Variants in AMMECR1 observed in about 807,000 individuals in gnomAD.
The protein encoded by AMMECR1 is nuclear protein AMMECR1.
Under a neutral mutation model 22.5 loss-of-function variants are expected in AMMECR1, and 3 were observed. The observed-to-expected ratio is 0.13, with a 90% CI of 0.06 to 0.35. The LOEUF (loss-of-function observed/expected upper bound fraction) is 0.35, where lower values mean the gene tolerates loss of function less well. Ranked by LOEUF, AMMECR1 falls within the 10% of genes least tolerant of loss-of-function variation. AMMECR1 has a pLI of 1.00. For missense variants in AMMECR1, 235 were observed against 278.7 expected (o/e 0.84, Z 1.12); for synonymous variants, 130 against 116.7 (o/e 1.11, Z -0.74).
chrX:110,259,862 C>T (rs1569390066), intron 2 of AMMECR1, among the ~76,000 whole-genome samples: 1 of 111,298 alleles, frequency 9.0e-6, no homozygotes, highest in Non-Finnish European at 1.9e-5. Flanking sequence ...GGATTACAGG[C>T]GTGAGCCACC....
At chrX:110,286,671 C>CAA (rs775821051) in intron 1 of AMMECR1, among the ~76,000 whole-genome samples, 6 of 67,004 alleles carry the variant, frequency 9.0e-5, no homozygotes, top group Non-Finnish European at 1.5e-4. Context: ...GACCCTGTCT[C>CAA]AAAAAAAAAA....
chrX:110,255,007 T>C (rs1002243647), intron 2 of AMMECR1, among the ~76,000 whole-genome samples: 7 of 112,190 alleles, frequency 6.2e-5, no homozygotes, highest in African/African-American at 1.9e-4. Flanking sequence ...ATAACTTTTG[T>C]CACTGCTGGC....
At chrX:110,393,327 C>T (rs1416981743) in intron 2 of AMMECR1, among the ~76,000 whole-genome samples, 2 of 112,129 alleles carry the variant, frequency 1.8e-5, no homozygotes, top group Non-Finnish European at 3.8e-5. Context: ...TGGCAGAGAG[C>T]AGACACTAGT....
intron 3 of AMMECR1, among the ~76,000 whole-genome samples, chrX:110,203,096 T>C (rs1385376502): frequency 8.9e-6 from 1 of 112,276 alleles, no homozygotes; most frequent in Non-Finnish European, 1.9e-5. Flanking sequence ...TCACCCAGTG[T>C]AGACAGCATT....
At chrX:110,237,459 G>A (rs950655180) in intron 2 of AMMECR1, among the ~76,000 whole-genome samples, 1 of 110,843 alleles carries the variant, frequency 9.0e-6, no homozygotes, top group Non-Finnish European at 1.9e-5. Context: ...TGGAAATGGT[G>A]CATGCCTCGT....
chrX:110,360,696 G>T (rs2068257653), intron 2 of AMMECR1, among the ~76,000 whole-genome samples: 1 of 111,287 alleles, frequency 9.0e-6, no homozygotes. Flanking sequence ...TTTTGGAGGG[G>T]AAGGACAAAT....
chrX:110,261,129 A>G (rs1024714927), intron 2 of AMMECR1, among the ~76,000 whole-genome samples: 2 of 111,063 alleles, frequency 1.8e-5, no homozygotes, highest in Non-Finnish European at 3.8e-5. Flanking sequence ...ATGACTGTAC[A>G]ACAACATGAT....
intron 1 of AMMECR1, among the ~76,000 whole-genome samples, chrX:110,269,530 G>T (rs756428082): frequency 2.8e-5 from 3 of 108,057 alleles, no homozygotes; most frequent in East Asian, 2.9e-4. Context: ...TTTATATTGG[G>T]GGGGGGGATA....
intron 2 of AMMECR1, among the ~76,000 whole-genome samples, chrX:110,243,266 G>C (rs1378199822): frequency 8.9e-6 from 1 of 112,146 alleles, no homozygotes; most frequent in Non-Finnish European, 1.9e-5. Flanking sequence ...AGTCAAAGAA[G>C]CCAAGGTGTC....
At chrX:110,428,615 G>A (rs2068771818) in intron 1 of AMMECR1, among the ~76,000 whole-genome samples, 1 of 110,579 alleles carries the variant, frequency 9.0e-6, no homozygotes, top group Non-Finnish European at 1.9e-5. Flanking sequence ...CCCTCTCCAA[G>A]ATGTGGCTTT....
chrX:110,287,081 T>C (rs1284388648), intron 1 of AMMECR1, among the ~76,000 whole-genome samples: 4 of 112,020 alleles, frequency 3.6e-5, no homozygotes. Context: ...TTTAAACAGT[T>C]TGCCTTCTTG....
rs2067376864 is a variant in AMMECR1, at chrX:110,197,568, CAA to C, written c.*950_*951del. The stretch of plus-strand genomic sequence containing the variant: ...TAATCTTCTGTTTCACATATAGAAA[CAA>C]TAAAGTTTTACAAGAATATTTTTCT... On this transcript the variant is annotated 3_prime_UTR_variant, in exon 6 of 6. Coordinates refer to ENST00000262844, the MANE Select transcript of AMMECR1 (RefSeq NM_015365.3). The C allele has an allele frequency of 9.0e-6, 1 of 111,323 alleles. No homozygotes were observed. Among genetic ancestry groups the C allele is most frequent in the Non-Finnish European group, 1.9e-5 (1 of 52,885 alleles). 9.2% of individuals were successfully genotyped at this position (111,323 alleles called of 1,213,427 possible).
intron 2 of AMMECR1, among the ~76,000 whole-genome samples, chrX:110,370,879 C>T (rs2068333712): frequency 8.9e-6 from 1 of 111,776 alleles, no homozygotes; most frequent in Non-Finnish European, 1.9e-5. Context: ...AAAATTTGGA[C>T]CTCGTACAGT....
At position 110,196,330 on chromosome X, in the gene AMMECR1, G is replaced by A. The variant is rs2067370222; in HGVS notation, c.*2190C>T. ...TAAGATGGATTTCACGATAATATTG[G>A]TCTATTTTGTCTCTCTTCAGTTTGC... is the stretch of plus-strand genomic sequence containing the variant. On this transcript the variant is annotated 3_prime_UTR_variant, in exon 6 of 6. Transcript: ENST00000262844. The A allele has an allele frequency of 9.1e-6, 1 of 110,329 alleles. No homozygotes were observed. Among genetic ancestry groups the A allele is most frequent in the Non-Finnish European group, 1.9e-5 (1 of 52,676 alleles). 9.1% of individuals were successfully genotyped at this position (110,329 alleles called of 1,213,427 possible).
intron 2 of AMMECR1, among the ~76,000 whole-genome samples, chrX:110,371,732 T>C (rs1452215305): frequency 9.0e-6 from 1 of 111,285 alleles, no homozygotes; most frequent in African/African-American, 3.3e-5. Context: ...AAGGATCTGC[T>C]GTGAGCCACA....
chrX:110,240,140 C>T (rs935481755), intron 2 of AMMECR1, among the ~76,000 whole-genome samples: 4 of 110,791 alleles, frequency 3.6e-5, no homozygotes, highest in Non-Finnish European at 7.6e-5. Flanking sequence ...TATGAAGAAA[C>T]TGCAACAACT....
intron 2 of AMMECR1, among the ~76,000 whole-genome samples, chrX:110,230,814 A>G (rs1452621711): frequency 8.9e-6 from 1 of 111,911 alleles, no homozygotes; most frequent in Non-Finnish European, 1.9e-5. Context: ...TAACTAGAAT[A>G]AACAGTGTAG....
At chrX:110,284,568 G>A (rs1033196669) in intron 1 of AMMECR1, among the ~76,000 whole-genome samples, 1 of 112,300 alleles carries the variant, frequency 8.9e-6, no homozygotes, top group African/African-American at 3.2e-5. Context: ...GGTAAGGGCA[G>A]TGGCCATGAA....
intron 1 of AMMECR1, among the ~76,000 whole-genome samples, chrX:110,430,023 G>T (rs1340343653): frequency 8.9e-6 from 1 of 111,757 alleles, no homozygotes; most frequent in Non-Finnish European, 1.9e-5. Context: ...CTGGGTGGTG[G>T]GCATGTTCTT....
Sources: allele counts gnomAD v4.1 joint callset (sites outside exome capture counted in the v4.1 genomes callset), GRCh38; gene constraint gnomAD v4.1.1; transcripts MANE v1.5; gene names NCBI Gene and HGNC (gene_info 2026-07-23, HGNC 2026-07-21).